The following ABL1 variants were observed in gnomAD, a reference collection of about 807,000 sequenced individuals.
ABL1 encodes tyrosine-protein kinase ABL1.
ABL1 carries 11 observed loss-of-function variants against 94.7 expected under a neutral mutation model. The observed-to-expected ratio is 0.12, with a 90% CI of 0.07 to 0.19. The LOEUF is 0.19. Among genes scored for constraint, ABL1 ranks in the 10% least tolerant of loss-of-function variants. The pLI, the probability that ABL1 is intolerant of heterozygous loss-of-function variation, is 1.00. For missense variants in ABL1, 1,082 were observed against 1,489.4 expected (o/e 0.73, Z 4.50); for synonymous variants, 656 against 622.4 (o/e 1.05, Z -0.80).
chr9:130,788,333 C>G (rs772261475), intron 1 of ABL1, among the ~76,000 whole-genome samples: 3 of 152,146 alleles, frequency 2.0e-5, no homozygotes, highest in Admixed American at 1.3e-4. Context: ...CCATTTCCCC[C>G]CTTCTATATG....
chr9:130,856,589 C>T (rs1194733518), intron 3 of ABL1, among the ~76,000 whole-genome samples: 3 of 152,184 alleles, frequency 2.0e-5, no homozygotes, highest in South Asian at 4.1e-4. Flanking sequence ...AAATGAATTA[C>T]AGTAAAAAGT....
chr9:130,823,903 A>G (rs189189237), intron 1 of ABL1, among the ~76,000 whole-genome samples: 6 of 151,998 alleles, frequency 3.9e-5, no homozygotes, highest in Admixed American at 3.3e-4. Flanking sequence ...ATTCCTGTTC[A>G]TTTTCATCAA....
chr9:130,853,758 CA>C (rs750218270), intron 1 of ABL1, among the ~76,000 whole-genome samples: 5 of 152,170 alleles, frequency 3.3e-5, no homozygotes, highest in Non-Finnish European at 5.9e-5. Flanking sequence ...AAGGCAAATG[CA>C]TATGTGGATA....
At chr9:130,735,618 A>G (rs772579834) in intron 1 of ABL1, among the ~76,000 whole-genome samples, 15 of 151,698 alleles carry the variant, frequency 9.9e-5, no homozygotes, top group Non-Finnish European at 2.2e-4. Flanking sequence ...GGATCTCCCC[A>G]TATTGGAATA....
In ABL1 at chr9:130,748,501, C is replaced by T. The variant is rs147903694; in HGVS notation, c.136+34046C>T. Among the ~76,000 whole-genome samples the T allele has an allele frequency of 7.9e-3, 1,208 of 152,140 alleles. 14 individuals carry two copies. Among genetic ancestry groups the T allele is most frequent in the African/African-American group, 0.027 (1,126 of 41,492 alleles). ...CATCTTGGCTTACTGCAGTCTCCAC[C>T]TCCTGGGCTCAAGTGATCCTCCCAC... is the stretch of plus-strand genomic sequence containing the variant. On this transcript the variant is annotated intron_variant, in intron 1 of 10. Coordinates refer to the ABL1 transcript ENST00000372348.
At chr9:130,803,135 G>A (rs552252810) in intron 1 of ABL1, among the ~76,000 whole-genome samples, 1 of 152,182 alleles carries the variant, frequency 6.6e-6, no homozygotes, top group Non-Finnish European at 1.5e-5. Flanking sequence ...TACCTCCCGG[G>A]TTCAAGCGAT....
intron 1 of ABL1, among the ~76,000 whole-genome samples, chr9:130,784,114 T>TAAA (rs35005214): frequency 6.6e-6 from 1 of 151,932 alleles, no homozygotes; most frequent in Admixed American, 6.6e-5. Flanking sequence ...TTCTCATTTT[T>TAAA]AAAAAAAATC....
chr9:130,763,797 C>T (rs1832147086), intron 1 of ABL1, among the ~76,000 whole-genome samples: 1 of 152,194 alleles, frequency 6.6e-6, no homozygotes, highest in African/African-American at 2.4e-5. Context: ...CTGCAGTATC[C>T]TGTTGGTTCC....
At chr9:130,848,807 C>T (rs1179883052) in intron 1 of ABL1, among the ~76,000 whole-genome samples, 4 of 151,944 alleles carry the variant, frequency 2.6e-5, no homozygotes, top group African/African-American at 4.8e-5. Context: ...AGTGTGGTGG[C>T]GGGCACCTGT....
chr9:130,724,654 T>C (rs937640912), intron 1 of ABL1: 16 of 256,700 alleles, frequency 6.2e-5, no homozygotes, highest in Admixed American at 4.6e-4. Flanking sequence ...TACTTAAAAA[T>C]TAGCCAGGCG....
upstream of ABL1, chr9:130,835,198 G>A (rs1830545554): frequency 6.3e-6 from 1 of 159,782 alleles, no homozygotes; most frequent in African/African-American, 2.4e-5. The surrounding 1 kb of genome is among the most constrained non-coding windows in gnomAD (Gnocchi z 4.6). Flanking sequence ...GGGGGTTAAG[G>A]CGCAGGCGGC....
At chr9:130,876,411 C>CTTTTTT (rs60634610) in intron 7 of ABL1, among the ~76,000 whole-genome samples, 8,626 of 142,232 alleles carry the variant, frequency 0.061, 409 homozygotes, top group African/African-American at 0.11. Context: ...ATTACTTTTT[C>CTTTTTT]TTTTTTTTTT....
At chr9:130,809,958 C>T (rs1830185499) in intron 1 of ABL1, among the ~76,000 whole-genome samples, 1 of 152,248 alleles carries the variant, frequency 6.6e-6, no homozygotes, top group South Asian at 2.1e-4. Flanking sequence ...AAACCTTTTC[C>T]AAACAAAAGC....
intron 6 of ABL1, among the ~76,000 whole-genome samples, chr9:130,873,457 C>T (rs929035167): frequency 2.0e-5 from 3 of 152,228 alleles, no homozygotes; most frequent in Admixed American, 6.5e-5. Flanking sequence ...ATTGCTTTTA[C>T]GCAAACTCAT....
intron 1 of ABL1, among the ~76,000 whole-genome samples, chr9:130,734,863 A>G (rs1163511389): frequency 6.6e-6 from 1 of 152,044 alleles, no homozygotes; most frequent in African/African-American, 2.4e-5. Flanking sequence ...AGTGTTTTGG[A>G]ATGGCGGTGT....
intron 7 of ABL1, among the ~76,000 whole-genome samples, chr9:130,875,906 C>T (rs554983072): frequency 6.6e-6 from 1 of 152,334 alleles, no homozygotes; most frequent in East Asian, 1.9e-4. Flanking sequence ...TGGCTCACTG[C>T]AACCTCTGCC....
intron 1 of ABL1, among the ~76,000 whole-genome samples, chr9:130,767,124 C>T (rs922427955): frequency 3.9e-5 from 6 of 152,180 alleles, no homozygotes; most frequent in Admixed American, 1.3e-4. Context: ...GACATCTTTT[C>T]GGAAAGACCT....
At chr9:130,829,728 CAA>C (rs1830471645) in intron 1 of ABL1, among the ~76,000 whole-genome samples, 1 of 151,990 alleles carries the variant, frequency 6.6e-6, no homozygotes, top group Non-Finnish European at 1.5e-5. Flanking sequence ...CTAGGATAAA[CAA>C]AGATGTATAA....
intron 1 of ABL1, among the ~76,000 whole-genome samples, chr9:130,809,417 A>AGAGT (rs1389499231): frequency 7.3e-4 from 62 of 84,396 alleles, no homozygotes; most frequent in Non-Finnish European, 1.0e-3. Flanking sequence ...AGAGAGAGAG[A>AGAGT]GTGTGTGTGT....
Sources: allele counts gnomAD v4.1 joint callset (sites outside exome capture counted in the v4.1 genomes callset), GRCh38; gene constraint gnomAD v4.1.1; non-coding constraint Gnocchi (gnomAD v3.1); transcripts MANE v1.5; gene names NCBI Gene and HGNC (gene_info 2026-07-23, HGNC 2026-07-21).